RAP1GDS1: variants seen among roughly 807,000 people sequenced by gnomAD.
The protein encoded by RAP1GDS1 is Rap1 GTPase-GDP dissociation stimulator 1.
Under a neutral mutation model 71.1 loss-of-function variants are expected in RAP1GDS1, and 35 were observed. That is an observed-to-expected ratio of 0.49 (90% CI 0.38 to 0.65). The LOEUF is 0.65. RAP1GDS1 is among the 30% of genes least tolerant of loss of function. The pLI, the probability that RAP1GDS1 is intolerant of heterozygous loss-of-function variation, is 0.00. For synonymous variants in RAP1GDS1, 229 were observed against 243.1 expected (o/e 0.94, Z 0.54); for missense variants, 663 against 706.1 (o/e 0.94, Z 0.69).
intron 4 of RAP1GDS1, among the ~76,000 whole-genome samples, chr4:98,376,144 T>C (rs1014756106): frequency 1.3e-5 from 2 of 152,122 alleles, no homozygotes; most frequent in African/African-American, 4.8e-5. Flanking sequence ...AAGGATTTAA[T>C]AGGACTTTAA....
chr4:98,345,866 G>T (rs1736168274), intron 3 of RAP1GDS1, among the ~76,000 whole-genome samples: 5 of 152,172 alleles, frequency 3.3e-5, no homozygotes, highest in Admixed American at 2.6e-4. Context: ...TGTAGAGGTG[G>T]TCTGAGTACA....
intron 1 of RAP1GDS1, among the ~76,000 whole-genome samples, chr4:98,279,400 T>A (rs1270553392): frequency 6.6e-6 from 1 of 151,634 alleles, no homozygotes; most frequent in Non-Finnish European, 1.5e-5. Flanking sequence ...ATAATTACAT[T>A]TAAAAAATTT....
At chr4:98,287,699 G>T (rs184332345) in intron 1 of RAP1GDS1, among the ~76,000 whole-genome samples, 26 of 152,148 alleles carry the variant, frequency 1.7e-4, no homozygotes, top group African/African-American at 6.3e-4. Context: ...TCAAATATTA[G>T]AAATATTTCT....
At chr4:98,302,874 C>T (rs1482625041) in intron 2 of RAP1GDS1, among the ~76,000 whole-genome samples, 1 of 152,040 alleles carries the variant, frequency 6.6e-6, no homozygotes, top group Non-Finnish European at 1.5e-5. Context: ...GGCAAAACCT[C>T]GTCTCTACTA....
chr4:98,391,940 T>C lies in RAP1GDS1; in HGVS notation c.509-12T>C. On this transcript the variant is annotated splice_polypyrimidine_tract_variant and intron_variant, in intron 5 of 14. Transcript: ENST00000408927. ...TTTCTTTTCTGTTGTTGTTTTTTTT[T>C]TGTTTTTACAGATTCGCTTCAAGCT... 6.4e-7 allele frequency: 1 copy of C among 1,565,012 alleles called. No homozygotes were observed. The highest frequency in any genetic ancestry group is 8.6e-7 in the Non-Finnish European group (1 of 1,161,288).
chr4:98,299,407 C>A (rs993549331), intron 2 of RAP1GDS1, among the ~76,000 whole-genome samples: 1 of 152,122 alleles, frequency 6.6e-6, no homozygotes, highest in Non-Finnish European at 1.5e-5. Flanking sequence ...AAAATATCAA[C>A]ATTAACAGGA....
intron 2 of RAP1GDS1, among the ~76,000 whole-genome samples, chr4:98,331,117 A>C (rs938773086): frequency 2.0e-5 from 3 of 152,232 alleles, no homozygotes; most frequent in Admixed American, 2.0e-4. Context: ...CAACAGGGCA[A>C]AACCCCGTCT....
intron 1 of RAP1GDS1, among the ~76,000 whole-genome samples, chr4:98,284,267 G>A (rs1725651708): frequency 6.6e-6 from 1 of 152,074 alleles, no homozygotes; most frequent in African/African-American, 2.4e-5. Context: ...GGCACGTAAT[G>A]CAGTTTGTTA....
chr4:98,358,424 G>A (rs1354864297), intron 4 of RAP1GDS1, among the ~76,000 whole-genome samples: 1 of 151,926 alleles, frequency 6.6e-6, no homozygotes, highest in South Asian at 2.1e-4. Flanking sequence ...TTTTTTGGTG[G>A]TTAAACTTGC....
intron 6 of RAP1GDS1, among the ~76,000 whole-genome samples, chr4:98,401,847 T>C (rs755051905): frequency 2.0e-5 from 3 of 152,188 alleles, no homozygotes; most frequent in Non-Finnish European, 2.9e-5. Context: ...GTGATTTGGT[T>C]TCCTTTTATT....
chr4:98,365,622 C>CA (rs1227513557), intron 4 of RAP1GDS1, among the ~76,000 whole-genome samples: 1 of 151,932 alleles, frequency 6.6e-6, no homozygotes, highest in East Asian at 1.9e-4. Flanking sequence ...GACCCTGTCT[C>CA]AAAAAAATAA....
chr4:98,308,964 T>C (rs1729805428), intron 2 of RAP1GDS1, among the ~76,000 whole-genome samples: 1 of 152,112 alleles, frequency 6.6e-6, no homozygotes, highest in Non-Finnish European at 1.5e-5. Context: ...TATATCAGCC[T>C]TTAAAGTATA....
At chr4:98,321,856 A>G (rs1266353203) in intron 2 of RAP1GDS1, among the ~76,000 whole-genome samples, 4 of 108,976 alleles carry the variant, frequency 3.7e-5, no homozygotes, top group Non-Finnish European at 1.9e-5. Flanking sequence ...AAGAAACTGC[A>G]TCAACTAACG....
chr4:98,373,163 G>T (rs1202072486), intron 4 of RAP1GDS1, among the ~76,000 whole-genome samples: 1 of 152,190 alleles, frequency 6.6e-6, no homozygotes, highest in African/African-American at 2.4e-5. Context: ...TTATTGCAAT[G>T]AATTATCTCT....
At chr4:98,386,322 CTG>C (rs1742741041) in intron 5 of RAP1GDS1, among the ~76,000 whole-genome samples, 1 of 151,632 alleles carries the variant, frequency 6.6e-6, no homozygotes, top group Admixed American at 6.6e-5. Flanking sequence ...TTTTTACTAT[CTG>C]TTGATTTTTG....
intron 2 of RAP1GDS1, among the ~76,000 whole-genome samples, chr4:98,309,897 A>G (rs1005274411): frequency 1.3e-5 from 2 of 151,894 alleles, no homozygotes; most frequent in Non-Finnish European, 2.9e-5. Flanking sequence ...ACATATATAT[A>G]TAATGGGTTA....
At chr4:98,270,103 T>C (rs376950701) in intron 1 of RAP1GDS1, among the ~76,000 whole-genome samples, 6 of 152,232 alleles carry the variant, frequency 3.9e-5, no homozygotes, top group African/African-American at 1.4e-4. Flanking sequence ...AGGAGAAACC[T>C]TGTGCCCTCA....
chr4:98,289,979 A>T (rs890207), intron 1 of RAP1GDS1, among the ~76,000 whole-genome samples: 15,818 of 151,998 alleles, frequency 0.1, 1,062 homozygotes, highest in African/African-American at 0.18. Flanking sequence ...ATGTGAAAAT[A>T]ATAGATACAG....
intron 6 of RAP1GDS1, among the ~76,000 whole-genome samples, chr4:98,395,055 T>C (rs1288859125): frequency 6.6e-6 from 1 of 152,148 alleles, no homozygotes; most frequent in East Asian, 1.9e-4. Context: ...AATACAGCAT[T>C]ATAGGATTTC....
Sources: allele counts gnomAD v4.1 joint callset (sites outside exome capture counted in the v4.1 genomes callset), GRCh38; gene constraint gnomAD v4.1.1; transcripts MANE v1.5; gene names NCBI Gene and HGNC (gene_info 2026-07-23, HGNC 2026-07-21).